TF: variants seen among roughly 807,000 people sequenced by gnomAD.
The protein encoded by TF is transferrin, also known as serotransferrin.
A neutral mutation model predicts 82.4 loss-of-function variants in TF; 55 were observed. That is an observed-to-expected ratio of 0.67 (90% CI 0.54 to 0.84). The LOEUF is 0.84. TF is among the 40% of genes least tolerant of loss of function. TF has a pLI of 0.00. For missense variants in TF, 737 were observed against 868.4 expected (o/e 0.85, Z 1.90); for synonymous variants, 332 against 332.6 (o/e 1.00, Z 0.02).
the TF span, among the ~76,000 whole-genome samples, chr3:133,704,705 CT>C: frequency 6.6e-6 from 1 of 152,190 alleles, no homozygotes; most frequent in Admixed American, 6.5e-5. Flanking sequence ...CCAAACAACT[CT>C]CTCCCCATTG....
the TF span, among the ~76,000 whole-genome samples, chr3:133,740,986 ATTTT>A: frequency 2.1e-5 from 1 of 47,452 alleles, no homozygotes; most frequent in African/African-American, 9.5e-5. Context: ...ATCCAGCTCT[ATTTT>A]TTTTTTTTTT....
intron 15 of TF, among the ~76,000 whole-genome samples, chr3:133,776,175 T>C (rs553223107): frequency 1.3e-5 from 2 of 152,304 alleles, no homozygotes; most frequent in East Asian, 1.9e-4. Context: ...ACAGCTCCTG[T>C]TTCCCAGCGC....
At position 133,759,311 on chromosome 3, in the gene TF, C is replaced by T. The variant is rs768468633; in HGVS notation, c.1185C>T (p.Asp395=). 3 of 1,613,690 alleles carry T rather than the reference C, an allele frequency of 1.9e-6. No individual in the cohort carries two copies. Among genetic ancestry groups the T allele is most frequent in the East Asian group, 2.2e-5 (1 of 44,862 alleles). Residue 395 remains aspartate (D), a synonymous_variant, in exon 9 of 17, where the codon GAC becomes GAT. Coordinates refer to ENST00000402696, the MANE Select transcript of TF (RefSeq NM_001063.4). ...GTGTATCAGCAGAGACCACCGAAGA[C>T]TGCATCGCCAAGATCATGGTATGTC... ...IECVSAETTE[D]CIAKIMNGEA... is the part of the protein sequence containing the mutation.
At chr3:133,746,649 G>A (rs1013771985) in intron 1 of TF, among the ~76,000 whole-genome samples, 166 bp downstream of exon 1, 1 of 152,198 alleles carries the variant, frequency 6.6e-6, no homozygotes, top group Non-Finnish European at 1.5e-5. Flanking sequence ...CCTTTGCTTG[G>A]GCTTCTAGAC....
chr3:133,754,392 G>T, intron 3 of TF, 103 bp from the exon 4 acceptor site: 1 of 1,226,214 alleles, frequency 8.2e-7, no homozygotes, highest in Non-Finnish European at 1.2e-6. Context: ...TCCAGTAAAA[G>T]CATGGCCTCT....
At chr3:133,725,416 C>T in the TF span, among the ~76,000 whole-genome samples, 1 of 152,052 alleles carries the variant, frequency 6.6e-6, no homozygotes, top group Non-Finnish European at 1.5e-5. Context: ...CTCTTTGAAG[C>T]AATTGTGAAT....
At chr3:133,719,240 T>C in the TF span, among the ~76,000 whole-genome samples, 1 of 152,192 alleles carries the variant, frequency 6.6e-6, no homozygotes, top group Non-Finnish European at 1.5e-5. Flanking sequence ...TCCGATATTG[T>C]GAGTTTGGAT....
At chr3:133,669,925 C>A in the TF span, among the ~76,000 whole-genome samples, 1 of 152,112 alleles carries the variant, frequency 6.6e-6, no homozygotes, top group African/African-American at 2.4e-5. Flanking sequence ...CCTCATAGAC[C>A]CTATTTCCTT....
chr3:133,774,684 C>T (rs966725619), intron 14 of TF: 1 of 180,032 alleles, frequency 5.6e-6, no homozygotes, highest in Non-Finnish European at 1.2e-5. Flanking sequence ...GAGAGATATT[C>T]AAAAATTTAT....
chr3:133,700,833 C>T, the TF span: 1 of 152,704 alleles, frequency 6.5e-6, no homozygotes, highest in Non-Finnish European at 1.5e-5. Context: ...TTTACCTTTA[C>T]CTCTATGCCG....
chr3:133,754,744 C>CA (rs1933777531), intron 4 of TF, 73 bp downstream of exon 4: 1 of 1,490,292 alleles, frequency 6.7e-7, no homozygotes. Context: ...CTGCACTAGA[C>CA]AGTCACCATC....
the TF span, among the ~76,000 whole-genome samples, chr3:133,683,268 A>G: frequency 5.3e-5 from 8 of 152,216 alleles, no homozygotes; most frequent in Non-Finnish European, 8.8e-5. Context: ...TGTAAAGACC[A>G]TCAAAGCTAG....
At chr3:133,694,888 T>TA in the TF span, among the ~76,000 whole-genome samples, 18 of 145,372 alleles carry the variant, frequency 1.2e-4, no homozygotes, top group Admixed American at 2.1e-4. Context: ...ATTTATTTAT[T>TA]ATTATTATTA....
chr3:133,730,663 C>T, the TF span, among the ~76,000 whole-genome samples: 190 of 152,354 alleles, frequency 1.2e-3, 1 homozygote, highest in African/African-American at 4.5e-3. Flanking sequence ...TAATGTTTAA[C>T]ATTTCAATAT....
In TF at chr3:133,757,950, A is replaced by G; in HGVS notation, c.1048+4A>G. Reference sequence around the variant, plus strand: ...CGGAATCTACGGGAAGGCACATGTGAGTACCTGGGAAGAACCAGGTGACCA... The same window carrying G: ...CGGAATCTACGGGAAGGCACATGTGGGTACCTGGGAAGAACCAGGTGACCA... On this transcript the variant is annotated splice_donor_region_variant and intron_variant, in intron 8 of 16. Coordinates refer to ENST00000402696, the MANE Select transcript of TF (RefSeq NM_001063.4). The G allele has an allele frequency of 6.2e-7, 1 of 1,613,998 alleles. No homozygotes were observed. Among genetic ancestry groups the G allele is most frequent in the Non-Finnish European group, 8.5e-7 (1 of 1,179,960 alleles).
the TF span, among the ~76,000 whole-genome samples, chr3:133,700,435 G>A: frequency 6.6e-6 from 1 of 152,250 alleles, no homozygotes; most frequent in Non-Finnish European, 1.5e-5. Flanking sequence ...GAACCGTTTG[G>A]TGTCCCACAG....
intron 2 of TF, among the ~76,000 whole-genome samples, chr3:133,751,033 G>T (rs1031822469): frequency 1.4e-4 from 21 of 151,938 alleles, no homozygotes; most frequent in Non-Finnish European, 2.2e-4. Flanking sequence ...TTGTATTGTG[G>T]TATATTAAAA....
At chr3:133,746,548 G>A (rs1005854655) in intron 1 of TF, 65 bp downstream of exon 1, 1 of 1,530,972 alleles carries the variant, frequency 6.5e-7, no homozygotes, top group Non-Finnish European at 8.8e-7. Context: ...AACCCGGGCG[G>A]CCACCGCGCA....
chr3:133,676,619 G>T, the TF span, among the ~76,000 whole-genome samples: 1 of 152,166 alleles, frequency 6.6e-6, no homozygotes, highest in Non-Finnish European at 1.5e-5. Flanking sequence ...GGATGCTGTG[G>T]TGGCCCCTCC....
Sources: allele counts gnomAD v4.1 joint callset (sites outside exome capture counted in the v4.1 genomes callset), GRCh38; gene constraint gnomAD v4.1.1; transcripts MANE v1.5; gene names NCBI Gene and HGNC (gene_info 2026-07-23, HGNC 2026-07-21).